The following REV1 variants were observed in gnomAD, a reference collection of about 807,000 sequenced individuals.
REV1 encodes translesion synthesis protein REV1.
In REV1, 42 loss-of-function variants were observed where a neutral mutation model predicts 137.4. That is an observed-to-expected ratio of 0.31 (90% CI 0.24 to 0.40). The LOEUF is 0.40. Among genes scored for constraint, REV1 ranks in the 10% least tolerant of loss-of-function variants. The pLI, the probability that REV1 is intolerant of heterozygous loss-of-function variation, is 1.00. For synonymous variants in REV1, 524 were observed against 519.2 expected, an observed-to-expected ratio of 1.01 and a Z score of -0.12; for missense variants, 1,282 against 1,490.1, an observed-to-expected ratio of 0.86 and a Z score of 2.30.
At chr2:99,451,634 A>C (rs1682934420) in intron 3 of REV1, 2 of 475,388 alleles carry the variant, frequency 4.2e-6, no homozygotes, top group Admixed American at 5.7e-5. Context: ...CTTTCTCCAT[A>C]AACAAAGCTG....
intron 1 of REV1, among the ~76,000 whole-genome samples, chr2:99,479,779 A>AAATAAT (rs60339972): frequency 2.0e-5 from 3 of 150,020 alleles, no homozygotes; most frequent in East Asian, 3.9e-4. Context: ...AAAAAAGTAA[A>AAATAAT]AATAATAATA....
At chr2:99,484,309 A>G (rs187605632) in intron 1 of REV1, among the ~76,000 whole-genome samples, 1 of 152,326 alleles carries the variant, frequency 6.6e-6, no homozygotes, top group East Asian at 1.9e-4. Context: ...AACAATCTGT[A>G]CAACAAACCC....
intron 10 of REV1, among the ~76,000 whole-genome samples, chr2:99,423,004 T>C (rs1678879857): frequency 6.6e-6 from 1 of 152,212 alleles, no homozygotes; most frequent in South Asian, 2.1e-4. Flanking sequence ...ATTTGGGATT[T>C]ATTTATTTAG....
intron 1 of REV1, among the ~76,000 whole-genome samples, chr2:99,475,187 A>G (rs1685834875): frequency 6.6e-6 from 1 of 152,224 alleles, no homozygotes; most frequent in African/African-American, 2.4e-5. Context: ...AGGGTCATTT[A>G]TAACCTGATG....
In REV1 at chr2:99,401,293, T is replaced by C. The variant is rs1455587051; in HGVS notation, c.3704A>G (p.Asn1235Ser). 2 of 1,613,764 alleles carry C rather than the reference T, an allele frequency of 1.2e-6. No homozygotes were observed. Among genetic ancestry groups the C allele is most frequent in the African/African-American group, 1.3e-5 (1 of 74,884 alleles). ...WNMAFDFILD[N>S]VQVVLQQTYG... is the part of the protein sequence containing the mutation. Reference sequence around the variant, plus strand: ...AGTTTGTTGTAAAACCACCTGGACATTGTCAAGAATAAAGTCAAATGCCAT... The same window carrying C: ...AGTTTGTTGTAAAACCACCTGGACACTGTCAAGAATAAAGTCAAATGCCAT... The change falls in exon 23 of 23, where the codon AAT becomes AGT. Residue 1235 changes from asparagine to serine, a missense_variant. Around this residue, in one of 7 missense-constraint regions of REV1, gnomAD observed 43 missense variants for 79.1 expected, o/e 0.54. Coordinates refer to ENST00000258428, the MANE Select transcript of REV1 (RefSeq NM_016316.4).
At chr2:99,442,645 G>T (rs1681666275) in intron 4 of REV1, among the ~76,000 whole-genome samples, 176 bp from the exon 5 acceptor site, 1 of 152,002 alleles carries the variant, frequency 6.6e-6, no homozygotes, top group Non-Finnish European at 1.5e-5. Context: ...TCTTAGAGTG[G>T]GGAAAAACTG....
intron 3 of REV1, among the ~76,000 whole-genome samples, chr2:99,460,150 C>T (rs981681361): frequency 2.0e-5 from 3 of 152,216 alleles, no homozygotes; most frequent in African/African-American, 7.2e-5. Flanking sequence ...AATCTCGGCT[C>T]ACTTCAACCT....
intron 1 of REV1, among the ~76,000 whole-genome samples, chr2:99,476,333 A>G (rs1274045176): frequency 6.6e-6 from 1 of 152,088 alleles, no homozygotes; most frequent in Non-Finnish European, 1.5e-5. Flanking sequence ...TGAGGCGGGC[A>G]GATCACAAGG....
chr2:99,426,192 A>T (rs1321680187), intron 9 of REV1, among the ~76,000 whole-genome samples: 3 of 147,290 alleles, frequency 2.0e-5, no homozygotes, highest in African/African-American at 7.6e-5. Flanking sequence ...TAAAAATACA[A>T]AAAAATTAGC....
At chr2:99,416,490 C>CA (rs1287789141) in intron 12 of REV1, among the ~76,000 whole-genome samples, 1 of 152,180 alleles carries the variant, frequency 6.6e-6, no homozygotes, top group Non-Finnish European at 1.5e-5. Flanking sequence ...ATGAAAACCA[C>CA]ATGAACCACT....
rs1405180757 is a variant in REV1 at position 99,410,707 on chromosome 2, T to C, written c.2333A>G (p.Asp778Gly). ...GAGGTGAGCTTACCTGGCAATGTTA[T>C]CACAAATTCCATGGCCTCCAAATTT... is the stretch of plus-strand genomic sequence containing the variant. ...TAKFGGHGIC[D>G]NIARTVTLDQ... Residue 778 changes from aspartate (D) to glycine (G), a missense_variant, in exon 14 of 23, where the codon GAT (aspartate) becomes GGT (glycine). By Grantham distance (94) the Asp-to-Gly change is moderately conservative. This residue lies in a region of REV1 where 372 missense variants were observed against 482.3 expected (regional missense o/e 0.77). Coordinates refer to ENST00000258428, the MANE Select transcript of REV1 (RefSeq NM_016316.4). The C allele has an allele frequency of 1.3e-6, 2 of 1,588,680 alleles. No homozygotes were observed. Among genetic ancestry groups the C allele is most frequent in the East Asian group, 2.2e-5 (1 of 44,602 alleles).
chr2:99,451,589 T>C, intron 3 of REV1: 1 of 859,752 alleles, frequency 1.2e-6, no homozygotes, highest in East Asian at 6.3e-5. Context: ...TGTGTGACTT[T>C]GGAGAAGTTG....
At chr2:99,432,559 G>C (rs1018909268) in intron 8 of REV1, among the ~76,000 whole-genome samples, 1 of 152,064 alleles carries the variant, frequency 6.6e-6, no homozygotes, top group African/African-American at 2.4e-5. Flanking sequence ...CAAATATTCT[G>C]GTGAGCTCCT....
In REV1 at chr2:99,404,598, T is replaced by A. The variant is rs766346710; in HGVS notation, c.2891A>T (p.Glu964Val). 1 of 1,614,124 alleles carries A rather than the reference T, an allele frequency of 6.2e-7. No homozygotes were observed. Residue 964 changes from glutamate to valine, a missense_variant, in exon 18 of 23, where the codon GAG (glutamate) becomes GTG (valine). Physicochemically the swap from Glu to Val is moderately radical, Grantham distance 121. This residue lies in a region of REV1 where 135 missense variants were observed against 123.3 expected (regional missense o/e 1.10). Coordinates refer to ENST00000258428, the MANE Select transcript of REV1 (RefSeq NM_016316.4). ...VEQVCAVQQA[E>V]SHGDKKKEPV... ...TTCTTTCTTTTTGTCGCCATGTGAC[T>A]CTGCTTGCTGGACAGCACAGACTTG... is the stretch of plus-strand genomic sequence containing the variant.
chr2:99,407,081 T>TTTTTTTTTTTTTTG (rs1676422609), intron 15 of REV1, among the ~76,000 whole-genome samples: 1 of 19,070 alleles, frequency 5.2e-5, no homozygotes, highest in Non-Finnish European at 9.1e-5. Context: ...ACAAAGGTTC[T>TTTTTTTTTTTTTTG]TTTTTTTTTT....
intron 4 of REV1, among the ~76,000 whole-genome samples, chr2:99,448,160 T>C (rs1375441216): frequency 1.3e-5 from 2 of 152,192 alleles, no homozygotes; most frequent in Non-Finnish European, 2.9e-5. Flanking sequence ...GGAACTGAGT[T>C]AATACTTAAT....
intron 1 of REV1, among the ~76,000 whole-genome samples, chr2:99,465,574 A>G (rs1269572615): frequency 6.6e-6 from 1 of 152,198 alleles, no homozygotes; most frequent in Non-Finnish European, 1.5e-5. Context: ...TATACTATAA[A>G]ACCACCAGGA....
At position 99,462,610 on chromosome 2, in the gene REV1, C is replaced by A; in HGVS notation, c.67G>T (p.Ala23Ser). The A allele has an allele frequency of 6.2e-7, 1 of 1,610,904 alleles. No homozygotes were observed. The highest frequency in any genetic ancestry group is 8.5e-7 in the Non-Finnish European group (1 of 1,179,298). The change falls in exon 3 of 23, where the codon GCT (alanine) becomes TCT (serine). Residue 23 changes from alanine (A) to serine (S), a missense_variant. This residue lies in a region of REV1 where 107 missense variants were observed against 164.3 expected (regional missense o/e 0.65). Transcript: ENST00000258428. ...TCCTCCAATTTCTGGACCTTGGCAG[C>A]CATATACCCACCCTAGAATTAAAGA... The part of the protein sequence containing the change: ...DGWETWGGYM[A>S]AKVQKLEEQF...
In REV1 at chr2:99,402,686, C is replaced by G; in HGVS notation, c.3499G>C (p.Asp1167His). ...CATTCTCTGAGCAAGGTCTTCACAT[C>G]ATTGAATTCAACAGCTCCAGCTAGA... is the stretch of plus-strand genomic sequence containing the variant. ...PNLAGAVEFN[D>H]VKTLLREWIT... The change falls in exon 21 of 23, where the codon GAT (aspartate) becomes CAT (histidine). Residue 1167 changes from aspartate (D) to histidine (H), a missense_variant. Asp to His is a moderately conservative substitution (Grantham distance 81). This residue lies in a region of REV1 where 170 missense variants were observed against 156.8 expected (regional missense o/e 1.08). Coordinates refer to ENST00000258428, the MANE Select transcript of REV1 (RefSeq NM_016316.4). 5.6e-6 allele frequency: 9 copies of G among 1,614,204 alleles called. No homozygotes were observed. The highest frequency in any genetic ancestry group is 6.8e-6 in the Non-Finnish European group (8 of 1,180,034).
Sources: gnomAD v4.1 joint callset for allele counts (sites outside exome capture counted in the v4.1 genomes callset) on GRCh38, gnomAD v4.1.1 for gene constraint, gnomAD v4.1.1 regional missense constraint, MANE v1.5 for transcripts, NCBI Gene and HGNC (gene_info 2026-07-23, HGNC 2026-07-21) for gene names.